Variants in MAP2 observed in about 807,000 individuals in gnomAD.
The protein encoded by MAP2 is microtubule associated protein 2, also known as microtubule-associated protein 2.
Under a neutral mutation model 137.6 loss-of-function variants are expected in MAP2, and 14 were observed. The observed-to-expected ratio is 0.10, with a 90% CI of 0.07 to 0.16. The LOEUF is 0.16. Ranked by LOEUF, MAP2 falls within the 10% of genes least tolerant of loss-of-function variation. The probability of loss-of-function intolerance (pLI) is 1.00; values close to 1 mark genes in which losing one functional copy is unlikely to be tolerated. For synonymous variants in MAP2, 786 were observed against 782.3 expected, an observed-to-expected ratio of 1.00 and a Z score of -0.08; for missense variants, 2,088 against 2,191.5, an observed-to-expected ratio of 0.95 and a Z score of 0.94.
chr2:209,609,675 C>A (rs2086149522), intron 3 of MAP2, among the ~76,000 whole-genome samples: 2 of 152,088 alleles, frequency 1.3e-5, no homozygotes, highest in Admixed American at 1.3e-4. Flanking sequence ...GAATAATATT[C>A]CATTGAATGG....
chr2:209,551,224 C>T (rs1199221225), intron 2 of MAP2, among the ~76,000 whole-genome samples: 1 of 152,038 alleles, frequency 6.6e-6, no homozygotes, highest in Admixed American at 6.6e-5. Context: ...TATTGTTAGA[C>T]AGAAATAGAT....
intron 3 of MAP2, among the ~76,000 whole-genome samples, chr2:209,605,949 G>A (rs1322445973): frequency 1.3e-5 from 2 of 152,118 alleles, no homozygotes; most frequent in Non-Finnish European, 2.9e-5. Flanking sequence ...CAACTCAAGA[G>A]GAAAGACCTT....
At chr2:209,548,395 A>G (rs1035410909) in intron 2 of MAP2, among the ~76,000 whole-genome samples, 2 of 152,216 alleles carry the variant, frequency 1.3e-5, no homozygotes, top group African/African-American at 4.8e-5. Context: ...CCTGTTCCTG[A>G]TACCCACCAG....
At chr2:209,722,379 T>C (rs2071484958) in intron 13 of MAP2, among the ~76,000 whole-genome samples, 1 of 152,266 alleles carries the variant, frequency 6.6e-6, no homozygotes, top group Admixed American at 6.5e-5. Context: ...ATTCAATGTC[T>C]TTTTGAATTA....
In MAP2 at chr2:209,695,385, T is replaced by G. The variant is rs576483648; in HGVS notation, c.3215T>G (p.Leu1072Arg). 7 of 1,613,238 alleles carry G rather than the reference T, an allele frequency of 4.3e-6. No individual in the cohort carries two copies. The highest frequency in any genetic ancestry group is 2.7e-5 in the African/African-American group (2 of 74,988). ...IDDRRATELK[L>R]EATQDMTPSS... ...GATAGAAGGGCAACAGAGCTAAAAC[T>G]TGAGGCTACACAGGACATGACCCCC... Residue 1072 changes from leucine (L) to arginine (R), a missense_variant, in exon 8 of 16, where the codon CTT becomes CGT. By Grantham distance (102) the Leu-to-Arg change is moderately radical. Coordinates refer to ENST00000682079, the MANE Select transcript of MAP2 (RefSeq NM_001375505.1).
In MAP2 at chr2:209,732,467, G is replaced by T. The variant is rs937815570; in HGVS notation, c.*2070G>T. On this transcript the variant is annotated 3_prime_UTR_variant, in exon 16 of 16. Coordinates refer to ENST00000682079, the MANE Select transcript of MAP2 (RefSeq NM_001375505.1). Reference sequence around the variant, plus strand: ...CTTAGGATCATTATATCTATTTTCTGCCTATTAATTGCTGTGAGGTTTGAT... The same window carrying T: ...CTTAGGATCATTATATCTATTTTCTTCCTATTAATTGCTGTGAGGTTTGAT... 6.6e-5 allele frequency: 10 copies of T among 152,100 alleles called. No homozygotes were observed. Among genetic ancestry groups the T allele is most frequent in the Non-Finnish European group, 1.3e-4 (9 of 68,016 alleles). 9.4% of individuals were successfully genotyped at this position (152,100 alleles called of 1,614,324 possible). A position where few individuals can be genotyped will look rare whatever the true frequency, so the allele number is the denominator to read the frequency against.
At chr2:209,517,579 TTATC>T (rs1389350206) in intron 2 of MAP2, among the ~76,000 whole-genome samples, 1 of 152,080 alleles carries the variant, frequency 6.6e-6, no homozygotes, top group African/African-American at 2.4e-5. Flanking sequence ...TACAAGTTCG[TTATC>T]TATCTCGTAA....
At position 209,637,225 on chromosome 2, in the gene MAP2, T is replaced by C. The variant is rs144934045; in HGVS notation, c.-30+12096T>C. On this transcript the variant is annotated intron_variant, in intron 4 of 15. Coordinates refer to ENST00000682079, the MANE Select transcript of MAP2 (RefSeq NM_001375505.1). ...TGGGAGGCCAAGGTGGGCAGATCACTTGAGGTCAGGAATTCAAGACCACCC... is the reference window on the plus strand; with the variant it reads ...TGGGAGGCCAAGGTGGGCAGATCACCTGAGGTCAGGAATTCAAGACCACCC... Among the ~76,000 whole-genome samples the C allele has an allele frequency of 6.3e-3, 963 of 152,196 alleles. 8 individuals carry two copies. The highest frequency in any genetic ancestry group is 0.022 in the African/African-American group (914 of 41,544).
rs766265464 is a variant in MAP2 at position 209,696,719 on chromosome 2, T to G, written c.4358T>G (p.Val1453Gly). The change falls in exon 9 of 16, where the codon GTC becomes GGC. Residue 1453 changes from valine (V) to glycine (G), a missense_variant. Transcript: ENST00000682079. The part of the protein sequence containing the change: ...RKVAKKEPST[V>G]SRDEVRRKKA... ...GTAGCTAAAAAGGAACCTAGCACAG[T>G]CTCCAGAGATGAAGTGAGAAGGAAA... is the stretch of plus-strand genomic sequence containing the variant. The G allele has an allele frequency of 1.2e-6, 2 of 1,611,740 alleles. No individual in the cohort carries two copies. Among genetic ancestry groups the G allele is most frequent in the Non-Finnish European group, 8.5e-7 (1 of 1,179,494 alleles).
intron 1 of MAP2, among the ~76,000 whole-genome samples, chr2:209,443,616 G>T (rs1448602279): frequency 3.3e-5 from 5 of 151,478 alleles, no homozygotes; most frequent in Non-Finnish European, 7.4e-5. Flanking sequence ...ACCCTATCCT[G>T]GATAAACTAA....
At chr2:209,475,864 A>G (rs1278861338) in intron 1 of MAP2, among the ~76,000 whole-genome samples, 1 of 152,196 alleles carries the variant, frequency 6.6e-6, no homozygotes, top group African/African-American at 2.4e-5. Flanking sequence ...AGAACCTTCT[A>G]TGAAGAGTCT....
chr2:209,516,515 A>G, intron 2 of MAP2, among the ~76,000 whole-genome samples: 1 of 152,140 alleles, frequency 6.6e-6, no homozygotes, highest in Admixed American at 6.6e-5. Context: ...GAGGAGAATC[A>G]GTTAAACAAC....
At chr2:209,652,861 G>GTT (rs1411981489) in intron 4 of MAP2, among the ~76,000 whole-genome samples, 1 of 151,868 alleles carries the variant, frequency 6.6e-6, no homozygotes, top group Non-Finnish European at 1.5e-5. Context: ...TTGTTGTTTG[G>GTT]TTTTTTGTTT....
At chr2:209,542,011 A>T (rs2067136241) in intron 2 of MAP2, among the ~76,000 whole-genome samples, 1 of 152,258 alleles carries the variant, frequency 6.6e-6, no homozygotes, top group Non-Finnish European at 1.5e-5. Flanking sequence ...TACTTTGCCC[A>T]TATCCATCAG....
intron 2 of MAP2, among the ~76,000 whole-genome samples, chr2:209,533,723 G>C (rs796134673): frequency 6.6e-6 from 1 of 152,160 alleles, no homozygotes. Flanking sequence ...GAATTGTCTC[G>C]TTCTAGGGAT....
intron 3 of MAP2, among the ~76,000 whole-genome samples, chr2:209,582,952 C>A (rs1420176473): frequency 6.6e-6 from 1 of 152,014 alleles, no homozygotes; most frequent in Non-Finnish European, 1.5e-5. Flanking sequence ...TTGGGCAAAC[C>A]CAAGTCTGGC....
At chr2:209,630,515 G>T (rs2092887874) in intron 4 of MAP2, among the ~76,000 whole-genome samples, 1 of 152,096 alleles carries the variant, frequency 6.6e-6, no homozygotes, top group Non-Finnish European at 1.5e-5. Context: ...ATATATAGTT[G>T]CCAGGATCCT....
At chr2:209,621,893 G>A (rs116505320) in intron 3 of MAP2, among the ~76,000 whole-genome samples, 103 of 152,186 alleles carry the variant, frequency 6.8e-4, no homozygotes, top group Middle Eastern at 3.4e-3. Context: ...CTTATTTTAC[G>A]GAGTAACCAG....
At chr2:209,638,602 T>G (rs2093755689) in intron 4 of MAP2, among the ~76,000 whole-genome samples, 1 of 152,166 alleles carries the variant, frequency 6.6e-6, no homozygotes. Flanking sequence ...TCGTTGATGC[T>G]CCACAGATGT....
Sources: gnomAD v4.1 joint callset for allele counts (sites outside exome capture counted in the v4.1 genomes callset) on GRCh38, gnomAD v4.1.1 for gene constraint, MANE v1.5 for transcripts, NCBI Gene and HGNC (gene_info 2026-07-23, HGNC 2026-07-21) for gene names.